The following REV3L variants were observed in gnomAD, a reference collection of about 807,000 sequenced individuals.
REV3L encodes DNA polymerase zeta catalytic subunit.
A neutral mutation model predicts 299.4 loss-of-function variants in REV3L; 69 were observed. The ratio of observed to expected loss-of-function variants is 0.23; its 90% CI spans 0.19 to 0.28. The LOEUF (loss-of-function observed/expected upper bound fraction) is 0.28, where lower values mean the gene tolerates loss of function less well. REV3L is among the 10% of genes least tolerant of loss of function. REV3L has a pLI of 1.00. For missense variants in REV3L, 3,128 were observed against 3,693.8 expected (o/e 0.85, Z 3.97); for synonymous variants, 1,238 against 1,271.4 (o/e 0.97, Z 0.56).
intron 1 of REV3L, among the ~76,000 whole-genome samples, chr6:111,429,358 C>A (rs1444132393): frequency 6.6e-6 from 1 of 152,086 alleles, no homozygotes; most frequent in Non-Finnish European, 1.5e-5. Context: ...AGAGAATTCA[C>A]CACCACCAGA....
chr6:111,360,147 A>T (rs1236826977), intron 16 of REV3L, among the ~76,000 whole-genome samples: 4 of 152,238 alleles, frequency 2.6e-5, no homozygotes, highest in South Asian at 2.1e-4. Flanking sequence ...GGATACACAC[A>T]ATGGAATATT....
intron 1 of REV3L, among the ~76,000 whole-genome samples, chr6:111,474,920 G>A (rs1256324880): frequency 1.3e-5 from 2 of 150,920 alleles, no homozygotes; most frequent in Non-Finnish European, 1.5e-5. Context: ...CTACACACTG[G>A]AGCAATTACT....
At chr6:111,453,646 A>G (rs1789812825) in intron 1 of REV3L, among the ~76,000 whole-genome samples, 1 of 152,198 alleles carries the variant, frequency 6.6e-6, no homozygotes, top group Admixed American at 6.5e-5. Flanking sequence ...GTTAATATTT[A>G]TATTATCACA....
chr6:111,478,391 T>G (rs1195365306), intron 1 of REV3L, among the ~76,000 whole-genome samples: 1 of 152,156 alleles, frequency 6.6e-6, no homozygotes, highest in Non-Finnish European at 1.5e-5. Context: ...AAATACCTAC[T>G]TTAAAAAAAG....
At chr6:111,326,078 A>C (rs1412370342) in intron 25 of REV3L, among the ~76,000 whole-genome samples, 1 of 152,152 alleles carries the variant, frequency 6.6e-6, no homozygotes, top group Non-Finnish European at 1.5e-5. Flanking sequence ...AGTTCCATCC[A>C]TGTTTTGCAA....
chr6:111,480,061 C>G (rs541371256), intron 1 of REV3L, among the ~76,000 whole-genome samples: 1 of 152,330 alleles, frequency 6.6e-6, no homozygotes, highest in South Asian at 2.1e-4. Flanking sequence ...GAAACGGCCA[C>G]TTCATTTGAG....
chr6:111,422,621 TATATATATACAC>T lies in REV3L; in HGVS notation c.140-6161_140-6150del, dbSNP rs1785584415. ...ACATATATATATATATACACATATA[TATATATATACAC>T]ATATATATATATATACATATATATA... On this transcript the variant is annotated intron_variant, in intron 1 of 31. Transcript: ENST00000368802. 3.3e-4 allele frequency among the ~76,000 whole-genome samples: 10 copies of T among 30,292 alleles called. 1 individual carries two copies. The highest frequency in any genetic ancestry group is 9.4e-4 in the Non-Finnish European group (8 of 8,530). 19.9% of individuals were successfully genotyped at this position (30,292 alleles called of 152,430 possible).
rs538802429 is a variant in REV3L at position 111,349,355 on chromosome 6, A to C, written c.7301-19T>G. 1 of 1,277,740 alleles carries C rather than the reference A, an allele frequency of 7.8e-7. No individual in the cohort carries two copies. Among genetic ancestry groups the C allele is most frequent in the South Asian group, 1.3e-5 (1 of 79,332 alleles). The allele number at this position is 1,277,740 out of a possible 1,614,324, so 79.2% of individuals were successfully genotyped here. A position where few individuals can be genotyped will look rare whatever the true frequency, so the allele number is the denominator to read the frequency against. ...TTGTCATCTATAGAAATGAAAACAGACTGTATCAGGGCTCACAGAAAACAA... is the reference window on the plus strand; with the variant it reads ...TTGTCATCTATAGAAATGAAAACAGCCTGTATCAGGGCTCACAGAAAACAA... On this transcript the variant is annotated intron_variant, in intron 19 of 31. Coordinates refer to ENST00000368802, the MANE Select transcript of REV3L (RefSeq NM_001372078.1).
At chr6:111,459,926 C>T (rs1042976434) in intron 1 of REV3L, among the ~76,000 whole-genome samples, 2 of 151,922 alleles carry the variant, frequency 1.3e-5, no homozygotes, top group Non-Finnish European at 2.9e-5. Flanking sequence ...GGTATATACC[C>T]AAAGAAAAAT....
rs1476178014 is a variant in REV3L, at chr6:111,374,269, G to A, written c.4086C>T (p.Ser1362=). Residue 1362 remains serine, a synonymous_variant, in exon 13 of 32, where the codon TCC becomes TCT. Transcript: ENST00000368802. ...TCTGTGCTACCTGAGATAAATGATTGGAAAGGTCAAATATATTTTTTTGAA... is the reference window on the plus strand; with the variant it reads ...TCTGTGCTACCTGAGATAAATGATTAGAAAGGTCAAATATATTTTTTTGAA... ...TLIQKNIFDL[S]NHLSQVAQNT... 7 of 1,613,478 alleles carry A rather than the reference G, an allele frequency of 4.3e-6. No homozygotes were observed. The highest frequency in any genetic ancestry group is 5.9e-6 in the Non-Finnish European group (7 of 1,179,588).
intron 1 of REV3L, among the ~76,000 whole-genome samples, chr6:111,464,875 G>A (rs1179428073): frequency 2.0e-5 from 3 of 151,774 alleles, no homozygotes; most frequent in South Asian, 2.1e-4. Context: ...GGCAGCGTGC[G>A]CCTATAGTCC....
intron 1 of REV3L, among the ~76,000 whole-genome samples, chr6:111,424,221 C>T (rs1562290925): frequency 6.6e-6 from 1 of 152,186 alleles, no homozygotes. Context: ...ATAATATAAA[C>T]ATATTAGCCA....
chr6:111,438,210 T>C (rs893084201), intron 1 of REV3L, among the ~76,000 whole-genome samples: 21 of 151,944 alleles, frequency 1.4e-4, no homozygotes, highest in Non-Finnish European at 2.4e-4. Flanking sequence ...TCTATACTCA[T>C]TGTTTTCTTT....
At chr6:111,382,605 C>G (rs1780942491) in intron 9 of REV3L, among the ~76,000 whole-genome samples, 2 of 152,174 alleles carry the variant, frequency 1.3e-5, no homozygotes, top group South Asian at 4.1e-4. Context: ...TGCAGCCAGC[C>G]TTACTACTAT....
At chr6:111,426,226 T>G (rs766889464) in intron 1 of REV3L, among the ~76,000 whole-genome samples, 1 of 152,222 alleles carries the variant, frequency 6.6e-6, no homozygotes, top group African/African-American at 2.4e-5. Context: ...ACACCCACAG[T>G]TGATGTCAGA....
intron 15 of REV3L, among the ~76,000 whole-genome samples, chr6:111,364,348 A>C (rs1778993203): frequency 2.6e-5 from 4 of 152,130 alleles, no homozygotes; most frequent in Admixed American, 2.6e-4. Flanking sequence ...ACTTTGGCTA[A>C]AGTTTGTAAA....
chr6:111,371,843 C>G (rs1342148073), intron 13 of REV3L, among the ~76,000 whole-genome samples: 1 of 151,974 alleles, frequency 6.6e-6, no homozygotes, highest in South Asian at 2.1e-4. Context: ...GGATTACAGG[C>G]GTGAGCCACT....
chr6:111,339,899 T>C (rs1352557542), intron 21 of REV3L, among the ~76,000 whole-genome samples: 1 of 152,208 alleles, frequency 6.6e-6, no homozygotes, highest in Non-Finnish European at 1.5e-5. Flanking sequence ...TTTAAATTGT[T>C]GTTAAAGAAT....
intron 1 of REV3L, among the ~76,000 whole-genome samples, chr6:111,450,581 G>C (rs1583038918): frequency 6.6e-6 from 1 of 151,274 alleles, no homozygotes. Flanking sequence ...CTGCAGTGGA[G>C]GGTAAGTGCT....
Sources: allele counts gnomAD v4.1 joint callset (sites outside exome capture counted in the v4.1 genomes callset), GRCh38; gene constraint gnomAD v4.1.1; transcripts MANE v1.5; gene names NCBI Gene and HGNC (gene_info 2026-07-23, HGNC 2026-07-21).